Variants in ANKRD13C observed in about 807,000 individuals in gnomAD.
ANKRD13C encodes ankyrin repeat domain-containing protein 13C.
Under a neutral mutation model 65.5 loss-of-function variants are expected in ANKRD13C, and 16 were observed. That is an observed-to-expected ratio of 0.24 (90% CI 0.17 to 0.37). ANKRD13C has a LOEUF of 0.37. Ranked by LOEUF, ANKRD13C falls within the 10% of genes least tolerant of loss-of-function variation. The pLI, the probability that ANKRD13C is intolerant of heterozygous loss-of-function variation, is 1.00. For synonymous variants in ANKRD13C, 235 were observed against 238.7 expected, an observed-to-expected ratio of 0.98 and a Z score of 0.14; for missense variants, 503 against 655.9, an observed-to-expected ratio of 0.77 and a Z score of 2.55.
chr1:70,354,299 G>A lies in ANKRD13C; in HGVS notation c.110C>T (p.Thr37Ile), dbSNP rs775485313. 1.2e-6 allele frequency: 2 copies of A among 1,613,994 alleles called. No individual in the cohort carries two copies. The highest frequency in any genetic ancestry group is 1.6e-4 in the Middle Eastern group (1 of 6,062). ...CTTGCCAATCCTGCTTCTGGTAAAG[G>A]TACCGCCGAGGGCAGCCGCCGCTTC... ...DEEAAAALGGTFTRSRIGKGG... is the reference protein window; with the variant it reads ...DEEAAAALGGIFTRSRIGKGG... The change falls in exon 1 of 13, where the codon ACC (threonine) becomes ATC (isoleucine). Residue 37 changes from threonine (T) to isoleucine (I), a missense_variant. This residue lies in a region of ANKRD13C where 203 missense variants were observed against 177.6 expected (regional missense o/e 1.14). Coordinates refer to ENST00000370944, the MANE Select transcript of ANKRD13C (RefSeq NM_030816.5).
At chr1:70,296,386 T>A in intron 7 of ANKRD13C, 125 bp from the exon 8 acceptor site, 1 of 920,174 alleles carries the variant, frequency 1.1e-6, no homozygotes, top group Non-Finnish European at 1.6e-6. Context: ...AGTTTCTAAA[T>A]AATGTGAAGT....
In ANKRD13C at chr1:70,300,822, G is replaced by A; in HGVS notation, c.863C>T (p.Ser288Phe). ...SFIFNGDAAP[S>F]ESFVVLDNEQ... ...ATTGTCTAATACTACAAAAGATTCA[G>A]AGGGCGCCGCATCCCCATTGAAAAT... The change falls in exon 7 of 13, where the codon TCT (serine) becomes TTT (phenylalanine). Residue 288 changes from serine (S) to phenylalanine (F), a missense_variant. Coordinates refer to ENST00000370944, the MANE Select transcript of ANKRD13C (RefSeq NM_030816.5). The A allele has an allele frequency of 1.2e-6, 2 of 1,613,616 alleles. No homozygotes were observed.
chr1:70,276,461 T>C (rs973912710), intron 10 of ANKRD13C, among the ~76,000 whole-genome samples: 1 of 152,216 alleles, frequency 6.6e-6, no homozygotes, highest in Non-Finnish European at 1.5e-5. Context: ...AATAAGCAAC[T>C]GTCCTGCGCA....
intron 8 of ANKRD13C, chr1:70,293,694 A>G (rs1679957941): frequency 4.2e-6 from 1 of 235,318 alleles, no homozygotes; most frequent in African/African-American, 2.3e-5. Flanking sequence ...GGACCTCACA[A>G]CTGAGAATGC....
intron 2 of ANKRD13C, 131 bp downstream of exon 2, chr1:70,335,927 T>C: frequency 3.7e-6 from 1 of 272,238 alleles, no homozygotes; most frequent in African/African-American, 2.2e-5. Flanking sequence ...AATTTCAATA[T>C]ACTAAATTCT....
chr1:70,330,569 CAAA>C (rs1681742141), intron 2 of ANKRD13C, among the ~76,000 whole-genome samples: 3 of 23,670 alleles, frequency 1.3e-4, no homozygotes, highest in African/African-American at 3.6e-4. Flanking sequence ...AAAAAACAAA[CAAA>C]CCAAAAAAAA....
chr1:70,314,312 G>A (rs1178796214), intron 4 of ANKRD13C, among the ~76,000 whole-genome samples: 2 of 151,614 alleles, frequency 1.3e-5, no homozygotes, highest in African/African-American at 4.8e-5. Flanking sequence ...TCTGCCTCCT[G>A]GGTTCAAGCA....
chr1:70,313,665 C>T (rs570948924), intron 5 of ANKRD13C, 80 bp downstream of exon 5: 1 of 1,056,744 alleles, frequency 9.5e-7, no homozygotes. Context: ...GTTATCCTAA[C>T]ATTTCTATAT....
intron 9 of ANKRD13C, among the ~76,000 whole-genome samples, chr1:70,290,619 G>A (rs900969046): frequency 2.7e-5 from 4 of 150,402 alleles, no homozygotes; most frequent in Non-Finnish European, 5.9e-5. Flanking sequence ...ATAGCTCATT[G>A]TAGCCTCAGT....
At chr1:70,350,494 A>G (rs1682700903) in intron 1 of ANKRD13C, among the ~76,000 whole-genome samples, 1 of 152,248 alleles carries the variant, frequency 6.6e-6, no homozygotes, top group Non-Finnish European at 1.5e-5. Context: ...TGGACAAAGT[A>G]GCCCATTTAT....
At chr1:70,332,490 G>A (rs923767617) in intron 2 of ANKRD13C, among the ~76,000 whole-genome samples, 1 of 152,074 alleles carries the variant, frequency 6.6e-6, no homozygotes, top group Admixed American at 6.6e-5. Flanking sequence ...TTGTTGAAAC[G>A]GAGTCTCGCT....
chr1:70,353,918 T>A, intron 1 of ANKRD13C, 61 bp downstream of exon 1: 1 of 1,450,032 alleles, frequency 6.9e-7, no homozygotes, highest in Non-Finnish European at 9.1e-7. Context: ...TCCAGAAGCC[T>A]GGGGAGGCAC....
chr1:70,332,935 T>C (rs1681874898), intron 2 of ANKRD13C, among the ~76,000 whole-genome samples: 1 of 152,214 alleles, frequency 6.6e-6, no homozygotes, highest in South Asian at 2.1e-4. Context: ...CAAATCCTGG[T>C]AAATCCATAT....
In ANKRD13C at chr1:70,259,130, C is replaced by T. The variant is rs995743655; in HGVS notation, c.*3587G>A. 2.6e-5 allele frequency among the ~76,000 whole-genome samples: 4 copies of T among 152,088 alleles called. No homozygotes were observed. ...CCTGATGCATTCCACAGAACATGTACCCATCATTAAGTGACACACAACTGT... is the reference window on the plus strand; with the variant it reads ...CCTGATGCATTCCACAGAACATGTATCCATCATTAAGTGACACACAACTGT... On this transcript the variant is annotated 3_prime_UTR_variant, in exon 13 of 13. Coordinates refer to ENST00000370944, the MANE Select transcript of ANKRD13C (RefSeq NM_030816.5).
rs1227437673 is a variant in ANKRD13C at position 70,313,795 on chromosome 1, A to T, written c.664-5T>A. ...TTCTAGATAAAAGTCACCTAGCTGAAAAATGAAATATGAATAATTACTAAA... is the reference window on the plus strand; with the variant it reads ...TTCTAGATAAAAGTCACCTAGCTGATAAATGAAATATGAATAATTACTAAA... On this transcript the variant is annotated splice_polypyrimidine_tract_variant and splice_region_variant and intron_variant, in intron 4 of 12. Coordinates refer to ENST00000370944, the MANE Select transcript of ANKRD13C (RefSeq NM_030816.5). 1 of 1,605,326 alleles carries T rather than the reference A, an allele frequency of 6.2e-7. No homozygotes were observed. The highest frequency in any genetic ancestry group is 1.1e-5 in the South Asian group (1 of 90,706).
At chr1:70,306,702 TAGAA>T (rs772823915) in intron 5 of ANKRD13C, among the ~76,000 whole-genome samples, 2 of 152,204 alleles carry the variant, frequency 1.3e-5, no homozygotes, top group Non-Finnish European at 2.9e-5. Context: ...ATGTGTATAA[TAGAA>T]AGAGACATCT....
At chr1:70,266,648 T>A (rs139277644) in intron 12 of ANKRD13C, among the ~76,000 whole-genome samples, 1 of 152,344 alleles carries the variant, frequency 6.6e-6, no homozygotes, top group Non-Finnish European at 1.5e-5. Flanking sequence ...TCATTTTCAT[T>A]CAGTTCAATT....
At chr1:70,297,557 G>A (rs557256397) in intron 7 of ANKRD13C, among the ~76,000 whole-genome samples, 4 of 148,254 alleles carry the variant, frequency 2.7e-5, no homozygotes, top group South Asian at 2.2e-4. Flanking sequence ...CTCCCAAAGC[G>A]CTGGGATTAC....
At chr1:70,328,060 T>C (rs1269081048) in intron 2 of ANKRD13C, among the ~76,000 whole-genome samples, 1 of 150,744 alleles carries the variant, frequency 6.6e-6, no homozygotes, top group Admixed American at 6.6e-5. Context: ...CACAAACAAA[T>C]AAAACAAACA....
Sources: gnomAD v4.1 joint callset for allele counts (sites outside exome capture counted in the v4.1 genomes callset) on GRCh38, gnomAD v4.1.1 for gene constraint, gnomAD v4.1.1 regional missense constraint, MANE v1.5 for transcripts, NCBI Gene and HGNC (gene_info 2026-07-23, HGNC 2026-07-21) for gene names.